SH3PXD2A: variants seen among roughly 807,000 people sequenced by gnomAD.
SH3PXD2A encodes SH3 and PX domains 2A, also known as SH3 and PX domain-containing protein 2A.
SH3PXD2A carries 32 observed loss-of-function variants against 115.2 expected under a neutral mutation model. The observed-to-expected ratio is 0.28, with a 90% CI of 0.21 to 0.37. The LOEUF (loss-of-function observed/expected upper bound fraction) is 0.37. Ranked by LOEUF, SH3PXD2A falls within the 10% of genes least tolerant of loss-of-function variation. The probability of loss-of-function intolerance (pLI) is 1.00; values close to 1 mark genes in which losing one functional copy is unlikely to be tolerated. For synonymous variants in SH3PXD2A, 610 were observed against 629.1 expected (o/e 0.97, Z 0.45); for missense variants, 1,328 against 1,498.7 (o/e 0.89, Z 1.88).
chr10:103,774,921 C>T (rs75488136), intron 2 of SH3PXD2A, among the ~76,000 whole-genome samples: 44 of 152,248 alleles, frequency 2.9e-4, no homozygotes, highest in African/African-American at 8.4e-4. Flanking sequence ...GCCGCCCTTC[C>T]GGTGTCCCAG....
chr10:103,792,324 C>T (rs1006959921), intron 2 of SH3PXD2A, among the ~76,000 whole-genome samples: 4 of 152,224 alleles, frequency 2.6e-5, no homozygotes, highest in Non-Finnish European at 5.9e-5. Flanking sequence ...CTGCCTTCTG[C>T]CTCTCTTCCC....
At chr10:103,828,600 A>G (rs995577885) in intron 1 of SH3PXD2A, among the ~76,000 whole-genome samples, 1 of 152,140 alleles carries the variant, frequency 6.6e-6, no homozygotes, top group South Asian at 2.1e-4. Context: ...TTATCACTCA[A>G]TATTCCACTT....
rs762418419 is a variant in SH3PXD2A, at chr10:103,693,068, G to C, written c.399-12C>G. ...AACTGCCATAGTCCCTGAAAAAGAA[G>C]CAACAACAGATAGACATGGTTAGGG... is the stretch of plus-strand genomic sequence containing the variant. On this transcript the variant is annotated splice_polypyrimidine_tract_variant and intron_variant, in intron 5 of 14. Transcript: ENST00000369774. 1 of 1,613,344 alleles carries C rather than the reference G, an allele frequency of 6.2e-7. No homozygotes were observed. Among genetic ancestry groups the C allele is most frequent in the South Asian group, 1.1e-5 (1 of 91,066 alleles).
intron 13 of SH3PXD2A, among the ~76,000 whole-genome samples, chr10:103,607,370 T>TCCGCCCAGCAG (rs2036334148): frequency 6.6e-6 from 1 of 150,694 alleles, no homozygotes; most frequent in African/African-American, 2.5e-5. Context: ...GAGGAGCGTC[T>TCCGCCCAGCAG]CCGCCCAGCA....
At position 103,597,156 on chromosome 10, in the gene SH3PXD2A, C is replaced by T. The variant is rs1036492382; in HGVS notation, c.*4660G>A. On this transcript the variant is annotated 3_prime_UTR_variant, in exon 15 of 15. Coordinates refer to ENST00000369774, the MANE Select transcript of SH3PXD2A (RefSeq NM_001394015.1). Reference sequence around the variant, plus strand: ...TGGAGCCCAGGCAGGGCTCACTTCTCAGGCTGAAGTCGCTGAGATGAATGG... The same window carrying T: ...TGGAGCCCAGGCAGGGCTCACTTCTTAGGCTGAAGTCGCTGAGATGAATGG... The T allele has an allele frequency of 6.5e-6, 1 of 152,690 alleles. No individual in the cohort carries two copies. The highest frequency in any genetic ancestry group is 2.4e-5 in the African/African-American group (1 of 41,444). 9.5% of individuals were successfully genotyped at this position (152,690 alleles called of 1,614,324 possible).
At chr10:103,839,590 C>T (rs1369993878) in intron 1 of SH3PXD2A, among the ~76,000 whole-genome samples, 1 of 151,506 alleles carries the variant, frequency 6.6e-6, no homozygotes, top group Non-Finnish European at 1.5e-5. Flanking sequence ...CAGCCCCTCC[C>T]CCAAGCCCAC....
chr10:103,812,599 G>A (rs989851296), intron 1 of SH3PXD2A, among the ~76,000 whole-genome samples: 1 of 152,040 alleles, frequency 6.6e-6, no homozygotes, highest in Non-Finnish European at 1.5e-5. Context: ...CCACTCCATC[G>A]TCACACCCTG....
intron 7 of SH3PXD2A, among the ~76,000 whole-genome samples, chr10:103,662,341 C>CGGGGGGGGGGG (rs1196791691): frequency 9.4e-5 from 1 of 10,636 alleles, no homozygotes; most frequent in South Asian, 0.01. Flanking sequence ...CCATTATTGG[C>CGGGGGGGGGGG]GGGGGGGGGG....
At position 103,601,876 on chromosome 10, in the gene SH3PXD2A, C is replaced by A; in HGVS notation, c.3342G>T (p.Leu1114=). The change falls in exon 15 of 15, where the codon CTG becomes CTT. Residue 1114 remains leucine, a synonymous_variant. Transcript: ENST00000369774. ...AGCCTTTGAAGGGCTTCACACCATC[C>A]AGGATCTGGCAGTACCACCAGCCAT... ...NPNGWWYCQI[L]DGVKPFKGWV... 1 of 1,613,894 alleles carries A rather than the reference C, an allele frequency of 6.2e-7. No homozygotes were observed. The highest frequency in any genetic ancestry group is 8.5e-7 in the Non-Finnish European group (1 of 1,179,876).
intron 8 of SH3PXD2A, among the ~76,000 whole-genome samples, chr10:103,634,891 T>G (rs1209669891): frequency 6.6e-6 from 1 of 152,146 alleles, no homozygotes; most frequent in Non-Finnish European, 1.5e-5. Context: ...ATGGAGCGTA[T>G]TTCCTGAGGT....
intron 2 of SH3PXD2A, among the ~76,000 whole-genome samples, chr10:103,780,385 C>G (rs2038920780): frequency 1.3e-5 from 2 of 152,204 alleles, no homozygotes; most frequent in African/African-American, 4.8e-5. Flanking sequence ...CCTCCAAAGT[C>G]TTGTCAAAAG....
At position 103,605,781 on chromosome 10, in the gene SH3PXD2A, C is replaced by G; in HGVS notation, c.1428+17G>C. ...CACAATGAGTTAAAACCCTCGGCCTCATGGCCCAAGGCTTACCTCTGCCTT... is the reference window on the plus strand; with the variant it reads ...CACAATGAGTTAAAACCCTCGGCCTGATGGCCCAAGGCTTACCTCTGCCTT... On this transcript the variant is annotated intron_variant, in intron 14 of 14. Transcript: ENST00000369774. The G allele has an allele frequency of 6.2e-7, 1 of 1,614,130 alleles. No individual in the cohort carries two copies. Among genetic ancestry groups the G allele is most frequent in the African/African-American group, 1.3e-5 (1 of 75,054 alleles).
chr10:103,626,496 C>T (rs2036696800), intron 9 of SH3PXD2A, among the ~76,000 whole-genome samples: 1 of 151,848 alleles, frequency 6.6e-6, no homozygotes, highest in Admixed American at 6.6e-5. Flanking sequence ...GTACAGAAGC[C>T]ACAGATAGGC....
At chr10:103,712,153 A>G (rs970268202) in intron 5 of SH3PXD2A, among the ~76,000 whole-genome samples, 1 of 152,208 alleles carries the variant, frequency 6.6e-6, no homozygotes, top group African/African-American at 2.4e-5. Context: ...TGGTTGCACA[A>G]CTGTAAAAGT....
At chr10:103,767,741 G>T (rs1196431002) in intron 2 of SH3PXD2A, among the ~76,000 whole-genome samples, 1 of 149,252 alleles carries the variant, frequency 6.7e-6, no homozygotes, top group Admixed American at 6.6e-5. Flanking sequence ...CCACCCTGAG[G>T]TCGCTGCTGT....
chr10:103,640,144 G>A (rs1002587431), intron 8 of SH3PXD2A, among the ~76,000 whole-genome samples: 54 of 152,178 alleles, frequency 3.5e-4, no homozygotes, highest in African/African-American at 1.0e-3. Flanking sequence ...GCGAAACCCC[G>A]TTTGTAATAA....
At chr10:103,702,896 C>T (rs550242242) in intron 5 of SH3PXD2A, among the ~76,000 whole-genome samples, 3 of 152,258 alleles carry the variant, frequency 2.0e-5, no homozygotes, top group Admixed American at 2.0e-4. Flanking sequence ...TCAAGCTACA[C>T]TGGCCCCATC....
chr10:103,662,439 C>CCGGACTG (rs551790325), intron 7 of SH3PXD2A, among the ~76,000 whole-genome samples: 2,311 of 122,044 alleles, frequency 0.019, 52 homozygotes, highest in African/African-American at 0.079. Flanking sequence ...GTCGCCCAGG[C>CCGGACTG]CGGACTGCGG....
Position 103,612,894 on chromosome 10 carries a change from G to A in SH3PXD2A, c.1217C>T (p.Ser406Phe). Reference sequence around the variant, plus strand: ...AGGGGCAATCCTGGCCACAGCTGGAGAGCCCTGGGCCAGCCTGGAGACAGT... The same window carrying A: ...AGGGGCAATCCTGGCCACAGCTGGAAAGCCCTGGGCCAGCCTGGAGACAGT... ...DRTVSRLAQG[S>F]PAVARIAPQR... Residue 406 changes from serine (S) to phenylalanine (F), a missense_variant, in exon 12 of 15, where the codon TCT becomes TTT. Coordinates refer to ENST00000369774, the MANE Select transcript of SH3PXD2A (RefSeq NM_001394015.1). The A allele has an allele frequency of 6.3e-7, 1 of 1,597,668 alleles. No homozygotes were observed. The highest frequency in any genetic ancestry group is 8.5e-7 in the Non-Finnish European group (1 of 1,172,940).
Sources: allele counts gnomAD v4.1 joint callset (sites outside exome capture counted in the v4.1 genomes callset), GRCh38; gene constraint gnomAD v4.1.1; transcripts MANE v1.5; gene names NCBI Gene and HGNC (gene_info 2026-07-23, HGNC 2026-07-21).